LRRC36: variants seen among roughly 807,000 people sequenced by gnomAD.
LRRC36 encodes the protein leucine-rich repeat-containing protein 36.
LRRC36 carries 62 observed loss-of-function variants against 81.1 expected under a neutral mutation model. The observed-to-expected ratio is 0.76, with a 90% CI of 0.62 to 0.94. The LOEUF is 0.94. Ranked by LOEUF, LRRC36 falls within the 40% of genes least tolerant of loss-of-function variation. LRRC36 has a pLI of 0.00. For synonymous variants in LRRC36, 334 were observed against 348.6 expected (o/e 0.96, Z 0.47); for missense variants, 761 against 881.7 (o/e 0.86, Z 1.73).
At chr16:67,348,003 A>G (rs1597449683) in intron 4 of LRRC36, among the ~76,000 whole-genome samples, 1 of 152,232 alleles carries the variant, frequency 6.6e-6, no homozygotes, top group Non-Finnish European at 1.5e-5. Flanking sequence ...GGAAGGGAAG[A>G]GAAGCATTTC....
At chr16:67,329,908 T>A (rs1018919553) in intron 1 of LRRC36, among the ~76,000 whole-genome samples, 2 of 151,986 alleles carry the variant, frequency 1.3e-5, no homozygotes, top group Non-Finnish European at 2.9e-5. Context: ...GCAGAGCAAG[T>A]CTCCATCTAA....
chr16:67,360,479 A>G (rs1369749115), intron 5 of LRRC36, among the ~76,000 whole-genome samples: 2 of 152,214 alleles, frequency 1.3e-5, no homozygotes, highest in Admixed American at 6.5e-5. Flanking sequence ...CCCTGAACCC[A>G]AAGTCACAGC....
rs2039998181 is a variant in LRRC36, at chr16:67,378,584, T to C, written c.1807-5T>C. On this transcript the variant is annotated splice_polypyrimidine_tract_variant and splice_region_variant and intron_variant, in intron 11 of 13. Transcript: ENST00000329956. Reference sequence around the variant, plus strand: ...TGTATTTGTATTTTGTTTTCTAATCTAAAGGAAAGTTTGAAGCAAAAACTG... The same window carrying C: ...TGTATTTGTATTTTGTTTTCTAATCCAAAGGAAAGTTTGAAGCAAAAACTG... 1 of 1,613,394 alleles carries C rather than the reference T, an allele frequency of 6.2e-7. No homozygotes were observed. Among genetic ancestry groups the C allele is most frequent in the South Asian group, 1.1e-5 (1 of 91,064 alleles).
chr16:67,352,769 C>T (rs2038713988), intron 5 of LRRC36, among the ~76,000 whole-genome samples: 1 of 151,788 alleles, frequency 6.6e-6, no homozygotes, highest in African/African-American at 2.4e-5. Flanking sequence ...CCTCTGCCTC[C>T]TAGGCTCAAG....
intron 5 of LRRC36, among the ~76,000 whole-genome samples, chr16:67,362,944 G>A (rs529718007): frequency 7.2e-5 from 11 of 152,044 alleles, no homozygotes; most frequent in Admixed American, 2.6e-4. Context: ...CTCCCGGCCC[G>A]GCTAATTTTT....
At position 67,347,579 on chromosome 16, in the gene LRRC36, A is replaced by G. The variant is rs900101750; in HGVS notation, c.476A>G (p.Glu159Gly). ...QLGNSENFLL[E>G]VEKSSREKTM... is the part of the protein sequence containing the mutation. ...GGCAACAGTGAAAATTTTCTTTTAG[A>G]GGTGGAAAAAAGGTAAGAAGATTCT... The change falls in exon 4 of 14, where the codon GAG becomes GGG. Residue 159 changes from glutamate to glycine, a missense_variant. Around this residue, in one of 3 missense-constraint regions of LRRC36, gnomAD observed 263 missense variants for 279.3 expected, o/e 0.94. Transcript: ENST00000329956. 6.2e-7 allele frequency: 1 copy of G among 1,611,540 alleles called. No homozygotes were observed. Among genetic ancestry groups the G allele is most frequent in the African/African-American group, 1.3e-5 (1 of 74,862 alleles).
intron 1 of LRRC36, among the ~76,000 whole-genome samples, chr16:67,338,353 T>C (rs916664078): frequency 6.6e-6 from 1 of 152,220 alleles, no homozygotes; most frequent in Non-Finnish European, 1.5e-5. Flanking sequence ...GACAGCTAGA[T>C]TCTCATACCT....
chr16:67,331,888 T>C (rs2037508714), intron 1 of LRRC36, among the ~76,000 whole-genome samples: 1 of 151,818 alleles, frequency 6.6e-6, no homozygotes, highest in Non-Finnish European at 1.5e-5. Context: ...CTTGGGAGGC[T>C]GAGGCAGGAG....
At position 67,382,258 on chromosome 16, in the gene LRRC36, G is replaced by T. The variant is rs778463059; in HGVS notation, c.2045+11G>T. On this transcript the variant is annotated intron_variant, in intron 13 of 13. Transcript: ENST00000329956. ...CCATGAAAGTCAGAGGTAGGAGAGG[G>T]TCTATCTAGCTTGCTTCTAGAAGCA... 1.3e-6 allele frequency: 2 copies of T among 1,588,268 alleles called. No homozygotes were observed. The highest frequency in any genetic ancestry group is 2.2e-5 in the South Asian group (2 of 90,158).
At chr16:67,373,265 C>CT (rs1294542839) in intron 9 of LRRC36, among the ~76,000 whole-genome samples, 2 of 152,072 alleles carry the variant, frequency 1.3e-5, no homozygotes, top group Non-Finnish European at 2.9e-5. Flanking sequence ...TTAAAAGCTC[C>CT]TTTTTTTCTG....
intron 5 of LRRC36, among the ~76,000 whole-genome samples, chr16:67,352,642 CTTA>C (rs1183249195): frequency 2.8e-5 from 4 of 142,778 alleles, no homozygotes; most frequent in Admixed American, 7.0e-5. Flanking sequence ...AAATAAATGT[CTTA>C]TTTATTTATT....
intron 2 of LRRC36, 147 bp from the exon 3 acceptor site, chr16:67,346,109 G>A (rs1010341564): frequency 1.9e-5 from 10 of 527,162 alleles, no homozygotes; most frequent in Non-Finnish European, 3.3e-5. Flanking sequence ...TTTCGGACAA[G>A]TTAAGTGAGA....
intron 13 of LRRC36, among the ~76,000 whole-genome samples, chr16:67,384,307 A>T (rs2040214509): frequency 6.6e-6 from 1 of 152,146 alleles, no homozygotes; most frequent in Non-Finnish European, 1.5e-5. Flanking sequence ...GGTGGTGCAC[A>T]CCTGTAATCC....
chr16:67,378,827 GGTCATCAGTTTTCC>G, intron 12 of LRRC36, 115 bp downstream of exon 12: 1 of 1,135,278 alleles, frequency 8.8e-7, no homozygotes, highest in Non-Finnish European at 1.2e-6. Context: ...TGGCCTACTT[GGTCATCAGTTTTCC>G]TGGCAGTTAA....
At position 67,346,332 on chromosome 16, in the gene LRRC36, G is replaced by A. The variant is rs780042461; in HGVS notation, c.275G>A (p.Arg92His). The A allele has an allele frequency of 3.3e-5, 53 of 1,612,512 alleles. 2 individuals are homozygous for A. In the South Asian group the frequency reaches 3.9e-4, roughly 12 times the overall value. Residue 92 changes from arginine to histidine, a missense_variant, in exon 3 of 14, where the codon CGT becomes CAT. Physicochemically the swap from Arg to His is conservative, Grantham distance 29. This residue lies in a region of LRRC36 where 263 missense variants were observed against 279.3 expected (regional missense o/e 0.94). Coordinates refer to ENST00000329956, the MANE Select transcript of LRRC36 (RefSeq NM_018296.6). ...NNIPSLVEVS[R>H]LQPLPFLKEL... Reference sequence around the variant, plus strand: ...ATTCCTTCATTAGTGGAAGTGTCCCGTCTACAACCGTTACCCTTCCTCAAA... The same window carrying A: ...ATTCCTTCATTAGTGGAAGTGTCCCATCTACAACCGTTACCCTTCCTCAAA...
chr16:67,347,398 C>A, intron 3 of LRRC36, 97 bp from the exon 4 acceptor site: 30 of 1,566,000 alleles, frequency 1.9e-5, no homozygotes, highest in Non-Finnish European at 2.5e-5. Context: ...TGAGACTGGT[C>A]CTAATTTTTC....
intron 1 of LRRC36, among the ~76,000 whole-genome samples, chr16:67,333,425 C>T (rs1404957189): frequency 6.6e-6 from 1 of 152,184 alleles, no homozygotes; most frequent in Non-Finnish European, 1.5e-5. Flanking sequence ...AGCCACCACA[C>T]GTAGCCCCAT....
At position 67,342,016 on chromosome 16, in the gene LRRC36, G is replaced by C; in HGVS notation, c.130G>C (p.Asp44His). 6.2e-7 allele frequency: 1 copy of C among 1,609,326 alleles called. No homozygotes were observed. Among genetic ancestry groups the C allele is most frequent in the East Asian group, 2.2e-5 (1 of 44,794 alleles). ...SYAGKIHSIG[D>H]AFRNFKNLRS... ...TGCTGGCAAAATCCATTCCATTGGT[G>C]ATGCCTTCAGAAATTTTAAAAATCT... The change falls in exon 2 of 14, where the codon GAT (aspartate) becomes CAT (histidine). Residue 44 changes from aspartate to histidine, a missense_variant. Asp to His is a moderately conservative substitution (Grantham distance 81, BLOSUM62 -1). Transcript: ENST00000329956.
chr16:67,346,142 G>A (rs1016187502), intron 2 of LRRC36, 114 bp from the exon 3 acceptor site: 3 of 662,028 alleles, frequency 4.5e-6, no homozygotes, highest in Admixed American at 2.9e-5. Context: ...CCTTTCTCAC[G>A]GGGACTTGGA....
Sources: gnomAD v4.1 joint callset for allele counts (sites outside exome capture counted in the v4.1 genomes callset) on GRCh38, gnomAD v4.1.1 for gene constraint, gnomAD v4.1.1 regional missense constraint, MANE v1.5 for transcripts, NCBI Gene and HGNC (gene_info 2026-07-23, HGNC 2026-07-21) for gene names.